Variants in THBS3 observed in about 807,000 individuals in gnomAD.
THBS3 encodes the protein thrombospondin-3.
Under a neutral mutation model 118.3 loss-of-function variants are expected in THBS3, and 78 were observed. That is an observed-to-expected ratio of 0.66 (90% CI 0.55 to 0.80). The LOEUF (loss-of-function observed/expected upper bound fraction) is 0.80. THBS3 is among the 30% of genes least tolerant of loss of function. THBS3 has a pLI of 0.00. For synonymous variants in THBS3, 427 were observed against 475.3 expected (o/e 0.90, Z 1.32); for missense variants, 1,057 against 1,247.4 (o/e 0.85, Z 2.30).
chr1:155,197,996 G>C lies in THBS3; in HGVS notation c.2253+46C>G. 43 of 1,614,122 alleles carry C rather than the reference G, an allele frequency of 2.7e-5. No homozygotes were observed. The highest frequency in any genetic ancestry group is 3.6e-5 in the Non-Finnish European group (42 of 1,179,988). ...TATCCCTCCCAGGCCCCCCGTCCCA[G>C]TAGCCCTGTCTGATAGCACCTGCCC... On this transcript the variant is annotated intron_variant, in intron 18 of 22. Transcript: ENST00000368378. This position sits in a 1 kb window ranked among gnomAD's most constrained non-coding sequence, Gnocchi z 5.0.
At position 155,202,994 on chromosome 1, in the gene THBS3, G is replaced by A. The variant is rs764062129; in HGVS notation, c.809-34C>T. The A allele has an allele frequency of 2.0e-5, 33 of 1,613,680 alleles. 1 individual carries two copies. In the East Asian group the frequency reaches 7.4e-4, roughly 36 times the overall value. ...TGGACACAGTCAGAGCTACCCGGTG[G>A]TCACTATTTAAGCCACCAGAAGGGA... On this transcript the variant is annotated intron_variant, in intron 7 of 22. Coordinates refer to ENST00000368378, the MANE Select transcript of THBS3 (RefSeq NM_007112.5). The surrounding 1 kb of genome is among the most constrained non-coding windows in gnomAD (Gnocchi z 5.5).
In THBS3 at chr1:155,206,922, C is replaced by T. The variant is rs984466542; in HGVS notation, c.80-516G>A. Among the ~76,000 whole-genome samples the T allele has an allele frequency of 5.3e-5, 8 of 152,120 alleles. No individual in the cohort carries two copies. Among genetic ancestry groups the T allele is most frequent in the African/African-American group, 1.9e-4 (8 of 41,422 alleles). On this transcript the variant is annotated intron_variant, in intron 1 of 22. Coordinates refer to ENST00000368378, the MANE Select transcript of THBS3 (RefSeq NM_007112.5). This position sits in a 1 kb window ranked among gnomAD's most constrained non-coding sequence, Gnocchi z 4.2. ...CAGAGGCACTGTGCCTTCCTTTCCC[C>T]ATTATTGCCTATTACTACCTTCCAG...
rs767269702 is a variant in THBS3 at position 155,206,698 on chromosome 1, C to T, written c.80-292G>A. On this transcript the variant is annotated intron_variant, in intron 1 of 22. Coordinates refer to ENST00000368378, the MANE Select transcript of THBS3 (RefSeq NM_007112.5). This position sits in a 1 kb window ranked among gnomAD's most constrained non-coding sequence, Gnocchi z 4.2. The stretch of plus-strand genomic sequence containing the variant: ...AAAAAAGAAAAAAAAACCACCTAGC[C>T]GGGCGTGGTGGCGGGCACCTGTAAT... Among the ~76,000 whole-genome samples, 10 of 151,940 alleles carry T rather than the reference C, an allele frequency of 6.6e-5. No homozygotes were observed. The highest frequency in any genetic ancestry group is 1.3e-4 in the Non-Finnish European group (9 of 67,986).
upstream of THBS3, chr1:155,208,664 G>T (rs1337425869): frequency 3.2e-6 from 3 of 936,064 alleles, no homozygotes; most frequent in Non-Finnish European, 4.6e-6. Context: ...TCACCTAAGC[G>T]ACAGCCTGCG....
At chr1:155,198,013 C>A in intron 18 of THBS3, 29 bp downstream of exon 18, 1 of 1,614,148 alleles carries the variant, frequency 6.2e-7, no homozygotes, top group Non-Finnish European at 8.5e-7. Flanking sequence ...TGTCTGATAG[C>A]ACCTGCCCAG....
intron 14 of THBS3, 31 bp from the exon 15 acceptor site, chr1:155,200,144 C>A (rs746799085): frequency 6.7e-7 from 1 of 1,499,526 alleles, no homozygotes; most frequent in Non-Finnish European, 9.0e-7. Flanking sequence ...AAGGTTGTTA[C>A]TAGAACATGC....
chr1:155,196,927 T>C, intron 21 of THBS3, 114 bp downstream of exon 21: 3 of 983,876 alleles, frequency 3.0e-6, no homozygotes, highest in Admixed American at 4.7e-5. Flanking sequence ...AGAAGGGTGA[T>C]GGAGAGAAGT....
At position 155,195,772 on chromosome 1, in the gene THBS3, G is replaced by T. The variant is rs1557849544; in HGVS notation, c.*69C>A. On this transcript the variant is annotated 3_prime_UTR_variant, in exon 23 of 23. Transcript: ENST00000368378. ...CTGAGGGGCTGTAGCTTAGACCTCA[G>T]GGTCTCCAGGATGGACCCCAAGGCC... 6.5e-7 allele frequency: 1 copy of T among 1,545,726 alleles called. No individual in the cohort carries two copies. The highest frequency in any genetic ancestry group is 1.7e-5 in the Admixed American group (1 of 59,646).
Position 155,196,055 on chromosome 1 carries a change from C to T in THBS3, c.2744G>A (p.Gly915Glu), listed in dbSNP as rs1668612653. Residue 915 changes from glycine to glutamate, a missense_variant, in exon 22 of 23, where the codon GGG becomes GAG. Physicochemically the swap from Gly to Glu is moderately conservative, Grantham distance 98 (BLOSUM62 -2). Transcript: ENST00000368378. ...GGAGAAGCAGAATACACCAAGACGC[C>T]CCCCTCGCATGGATGTGTCAATGAT... Reference protein sequence around the residue: ...GVIIDTSMRGGRLGVFCFSQE... With the variant: ...GVIIDTSMRGERLGVFCFSQE... 6.2e-7 allele frequency: 1 copy of T among 1,614,168 alleles called. No homozygotes were observed. Among genetic ancestry groups the T allele is most frequent in the Non-Finnish European group, 8.5e-7 (1 of 1,180,038 alleles).
chr1:155,208,582 G>C, upstream of THBS3: 1 of 527,714 alleles, frequency 1.9e-6, no homozygotes, highest in Non-Finnish European at 3.3e-6. Context: ...CCAAGGACCA[G>C]ACTGTGGAAC....
At position 155,197,233 on chromosome 1, in the gene THBS3, A is replaced by G. The variant is rs1668821826; in HGVS notation, c.2500-20T>C. On this transcript the variant is annotated intron_variant, in intron 20 of 22. Coordinates refer to ENST00000368378, the MANE Select transcript of THBS3 (RefSeq NM_007112.5). The surrounding 1 kb of genome is among the most constrained non-coding windows in gnomAD (Gnocchi z 5.0). The stretch of plus-strand genomic sequence containing the variant: ...CACTGCCTAGGAGACATTGGCAAAG[A>G]CAGTGGGTCAACTGCAGAACTGGAG... 6.2e-7 allele frequency: 1 copy of G among 1,608,436 alleles called. No homozygotes were observed. The highest frequency in any genetic ancestry group is 1.1e-5 in the South Asian group (1 of 90,996).
At chr1:155,201,049 G>C (rs1303425899) in intron 12 of THBS3, 45 bp from the exon 13 acceptor site, 2 of 1,614,224 alleles carry the variant, frequency 1.2e-6, no homozygotes, top group Non-Finnish European at 1.7e-6. Context: ...GCCTGACCCA[G>C]CTTGGGCTCC....
Position 155,201,974 on chromosome 1 carries a change from T to C in THBS3, c.1159A>G (p.Ile387Val). The C allele has an allele frequency of 1.2e-6, 2 of 1,614,084 alleles. No individual in the cohort carries two copies. Among genetic ancestry groups the C allele is most frequent in the Non-Finnish European group, 8.5e-7 (1 of 1,180,018 alleles). The change falls in exon 10 of 23, where the codon ATC becomes GTC. Residue 387 changes from isoleucine (I) to valine (V), a missense_variant. Coordinates refer to ENST00000368378, the MANE Select transcript of THBS3 (RefSeq NM_007112.5). ...CAGCTCACCACAGTGTTGGTGCAGA[T>C]GGAGTTTGGGTCACAGCCACCATTG... ...GNNGGCDPNS[I>V]CTNTVGSFKC... is the part of the protein sequence containing the mutation.
upstream of THBS3, chr1:155,209,046 T>C (rs772450682): frequency 1.9e-6 from 3 of 1,547,492 alleles, no homozygotes; most frequent in Admixed American, 5.9e-5. Flanking sequence ...CACCTCTGGA[T>C]GGGCCGGCGG....
chr1:155,204,282 T>G (rs1275430072), intron 4 of THBS3, among the ~76,000 whole-genome samples: 3 of 152,126 alleles, frequency 2.0e-5, no homozygotes, highest in African/African-American at 7.2e-5. Flanking sequence ...CAGCTGCCAG[T>G]GAGAACTATA....
Position 155,200,886 on chromosome 1 carries a change from C to T in THBS3, c.1548+11G>A, listed in dbSNP as rs1669598817. ...GAGGAGCTTCAAGGGGCAGGGCAGTCTGGGAGTCACCTCAACATTCTTGAT... is the reference window on the plus strand; with the variant it reads ...GAGGAGCTTCAAGGGGCAGGGCAGTTTGGGAGTCACCTCAACATTCTTGAT... On this transcript the variant is annotated intron_variant, in intron 13 of 22. Coordinates refer to ENST00000368378, the MANE Select transcript of THBS3 (RefSeq NM_007112.5). 2 of 1,613,964 alleles carry T rather than the reference C, an allele frequency of 1.2e-6. No homozygotes were observed. Among genetic ancestry groups the T allele is most frequent in the Non-Finnish European group, 1.7e-6 (2 of 1,180,010 alleles).
rs372894039 is a variant in THBS3, at chr1:155,200,618, G to T, written c.1549-8C>A. The T allele has an allele frequency of 1.5e-5, 24 of 1,613,148 alleles. No individual in the cohort carries two copies. Among genetic ancestry groups the T allele is most frequent in the Middle Eastern group, 1.6e-4 (1 of 6,080 alleles). The stretch of plus-strand genomic sequence containing the variant: ...GAACAGCCGGCAGTTGTCCTGGGCA[G>T]AGGGGTGGGAGGGGAAGGGTCAGGT... On this transcript the variant is annotated splice_region_variant and splice_polypyrimidine_tract_variant and intron_variant, in intron 13 of 22. Transcript: ENST00000368378.
At chr1:155,203,389 G>A (rs142293248) in intron 5 of THBS3, 84 bp from the exon 6 acceptor site, 13 of 1,585,702 alleles carry the variant, frequency 8.2e-6, no homozygotes, top group Non-Finnish European at 9.5e-6. Flanking sequence ...TACCTGCCAC[G>A]GCTGCCCACC....
Position 155,197,003 on chromosome 1 carries a change from G to T in THBS3, c.2672+38C>A, listed in dbSNP as rs77150642. On this transcript the variant is annotated intron_variant, in intron 21 of 22. Transcript: ENST00000368378. The surrounding 1 kb of genome is among the most constrained non-coding windows in gnomAD (Gnocchi z 5.0). ...CAGCTAAAGAGGAAGGACAGGCCCGGCCTGAGTCCCACAGGTGGGCTCAGC... is the reference window on the plus strand; with the variant it reads ...CAGCTAAAGAGGAAGGACAGGCCCGTCCTGAGTCCCACAGGTGGGCTCAGC... 1.3e-6 allele frequency: 2 copies of T among 1,597,338 alleles called. No individual in the cohort carries two copies. Among genetic ancestry groups the T allele is most frequent in the East Asian group, 4.5e-5 (2 of 44,532 alleles).
Sources: allele counts gnomAD v4.1 joint callset (sites outside exome capture counted in the v4.1 genomes callset), GRCh38; gene constraint gnomAD v4.1.1; non-coding constraint Gnocchi (gnomAD v3.1); transcripts MANE v1.5; gene names NCBI Gene and HGNC (gene_info 2026-07-23, HGNC 2026-07-21).